The following KCNG2 variants were observed in gnomAD, a reference collection of about 807,000 sequenced individuals.
The protein encoded by KCNG2 is potassium voltage-gated channel modifier subfamily G member 2, also known as voltage-gated potassium channel regulatory subunit KCNG2.
KCNG2 carries 7 observed loss-of-function variants against 12.3 expected under a neutral mutation model. The observed-to-expected ratio is 0.57, with a 90% CI of 0.32 to 1.07. KCNG2 has a LOEUF of 1.07. KCNG2 is among the 50% of genes least tolerant of loss of function. KCNG2 has a pLI of 0.04. For missense variants in KCNG2, 703 were observed against 726.0 expected (o/e 0.97, Z 0.36); for synonymous variants, 414 against 351.4 (o/e 1.18, Z -1.99).
intron 3 of KCNG2, among the ~76,000 whole-genome samples, chr18:79,874,910 G>A (rs1171005571): frequency 6.6e-6 from 1 of 152,112 alleles, no homozygotes; most frequent in Non-Finnish European, 1.5e-5. Flanking sequence ...GGTAGGAGTG[G>A]GGGTTCCTGG....
intron 1 of KCNG2, among the ~76,000 whole-genome samples, chr18:79,819,107 G>T (rs183871270): frequency 2.0e-5 from 3 of 152,204 alleles, no homozygotes; most frequent in Non-Finnish European, 2.9e-5. Context: ...GACTCGTTCC[G>T]CAACAGCAGA....
intron 1 of KCNG2, among the ~76,000 whole-genome samples, chr18:79,843,681 T>A (rs1049095830): frequency 6.6e-6 from 1 of 152,194 alleles, no homozygotes; most frequent in Non-Finnish European, 1.5e-5. Flanking sequence ...CTAAAAGATA[T>A]TTTATGTATG....
intron 1 of KCNG2, among the ~76,000 whole-genome samples, chr18:79,818,806 T>C (rs2087549075): frequency 6.6e-6 from 1 of 152,110 alleles, no homozygotes; most frequent in Non-Finnish European, 1.5e-5. Context: ...TTGGGGCTGC[T>C]TTAGGGGAGA....
At chr18:79,887,699 G>A (rs1479757353) in intron 3 of KCNG2, among the ~76,000 whole-genome samples, 1 of 152,172 alleles carries the variant, frequency 6.6e-6, no homozygotes, top group Non-Finnish European at 1.5e-5. Flanking sequence ...CTGAGCTCTG[G>A]CCACGAGCCT....
At chr18:79,871,538 A>G (rs1173271713) in intron 3 of KCNG2, among the ~76,000 whole-genome samples, 1 of 152,000 alleles carries the variant, frequency 6.6e-6, no homozygotes, top group Non-Finnish European at 1.5e-5. Context: ...TTAGGGCCAC[A>G]ACAGATCCAA....
At chr18:79,878,530 A>C (rs1166237493) in intron 3 of KCNG2, among the ~76,000 whole-genome samples, 1 of 142,968 alleles carries the variant, frequency 7.0e-6, no homozygotes, top group East Asian at 2.2e-4. Flanking sequence ...TGATGCCCCA[A>C]ATCTTCCCCA....
At chr18:79,825,504 T>C (rs1037182272) in intron 1 of KCNG2, among the ~76,000 whole-genome samples, 6 of 152,216 alleles carry the variant, frequency 3.9e-5, no homozygotes, top group African/African-American at 1.4e-4. Context: ...GAAATGCCTC[T>C]TCATAAAAAA....
rs973406574 is a variant in KCNG2, at chr18:79,900,019, C to CT, written c.*206dup. The CT allele has an allele frequency of 2.1e-5, 8 of 384,146 alleles. No homozygotes were observed. The Admixed American group carries it at 3.2e-4, about 15-fold the overall frequency. The allele number at this position is 384,146 out of a possible 1,614,324, so 23.8% of individuals were successfully genotyped here. A position where few individuals can be genotyped will look rare whatever the true frequency, so the allele number is the denominator to read the frequency against. On this transcript the variant is annotated 3_prime_UTR_variant, in exon 4 of 4. Transcript: ENST00000316249. ...GGCAGCGCTGGGCAAAGTCACTGGC[C>CT]TTTGTCCTCCTGCCCCACCCCTTTC...
intron 3 of KCNG2, among the ~76,000 whole-genome samples, chr18:79,888,138 T>C (rs146441182): frequency 0.012 from 1,756 of 151,474 alleles, 41 homozygotes; most frequent in African/African-American, 0.039. Flanking sequence ...GAGGAGGCCA[T>C]GGGAAGCACC....
At chr18:79,833,241 T>TC (rs1477034550) in intron 1 of KCNG2, among the ~76,000 whole-genome samples, 2 of 152,020 alleles carry the variant, frequency 1.3e-5, no homozygotes, top group East Asian at 1.9e-4. Flanking sequence ...GATCAAGCAA[T>TC]CCCCCCATCT....
chr18:79,805,887 A>G (rs2087445940), intron 1 of KCNG2, among the ~76,000 whole-genome samples: 1 of 152,188 alleles, frequency 6.6e-6, no homozygotes, highest in Non-Finnish European at 1.5e-5. Flanking sequence ...ACACGTGCAC[A>G]CACACGCGCC....
chr18:79,824,848 A>G (rs1161149243), intron 1 of KCNG2, among the ~76,000 whole-genome samples: 1 of 152,136 alleles, frequency 6.6e-6, no homozygotes, highest in East Asian at 1.9e-4. Flanking sequence ...CTTAAGAGGC[A>G]TTGAATTCTG....
At position 79,864,126 on chromosome 18, in the gene KCNG2, G is replaced by C; in HGVS notation, c.459G>C (p.Arg153=). ...GCCCGGCGCGCGCCCTGGGACCTCG[G>C]GGGCGGCTGCAGCGCGGCCGGCGGC... is the stretch of plus-strand genomic sequence containing the variant. ...QGSPARALGP[R]GRLQRGRRRL... The change falls in exon 3 of 4, where the codon CGG becomes CGC. Residue 153 remains arginine, a synonymous_variant. Transcript: ENST00000316249. 2 of 1,278,096 alleles carry C rather than the reference G, an allele frequency of 1.6e-6. No individual in the cohort carries two copies. Among genetic ancestry groups the C allele is most frequent in the South Asian group, 1.8e-5 (1 of 54,458 alleles). The allele number at this position is 1,278,096 out of a possible 1,614,324, so 79.2% of individuals were successfully genotyped here. A position where few individuals can be genotyped will look rare whatever the true frequency, so the allele number is the denominator to read the frequency against.
At chr18:79,847,150 T>G (rs1325740332) in intron 1 of KCNG2, among the ~76,000 whole-genome samples, 1 of 152,266 alleles carries the variant, frequency 6.6e-6, no homozygotes, top group Non-Finnish European at 1.5e-5. Flanking sequence ...GCTTCTGAGC[T>G]TCAGTGAAAA....
At chr18:79,874,869 T>C (rs1279125424) in intron 3 of KCNG2, among the ~76,000 whole-genome samples, 1 of 152,174 alleles carries the variant, frequency 6.6e-6, no homozygotes, top group Admixed American at 6.5e-5. Context: ...GACTTCAGGC[T>C]TCCCTCTTCC....
chr18:79,856,552 C>T (rs1310268399), intron 2 of KCNG2, among the ~76,000 whole-genome samples, 100 bp downstream of exon 2: 1 of 152,142 alleles, frequency 6.6e-6, no homozygotes, highest in Non-Finnish European at 1.5e-5. Flanking sequence ...GTTCTTGTGC[C>T]TTCTGCTGAT....
rs144143975 is a variant in KCNG2, at chr18:79,861,112, T to G, written c.-40-2516T>G. On this transcript the variant is annotated intron_variant, in intron 2 of 3. Coordinates refer to ENST00000316249, the MANE Select transcript of KCNG2 (RefSeq NM_012283.2). ...TCCCTTCATCCTATAAATGAGCGTA[T>G]TATAGTAATTTTGTGTATTGTGCCA... is the stretch of plus-strand genomic sequence containing the variant. Among the ~76,000 whole-genome samples the G allele has an allele frequency of 1.6e-3, 238 of 152,330 alleles. 3 individuals are homozygous for G. The highest frequency in any genetic ancestry group is 5.4e-3 in the African/African-American group (225 of 41,570).
At chr18:79,861,271 CTCTTTTT>C (rs1237504938) in intron 2 of KCNG2, among the ~76,000 whole-genome samples, 3 of 119,250 alleles carry the variant, frequency 2.5e-5, no homozygotes, top group Admixed American at 1.1e-4. Flanking sequence ...TTCTCTCTCT[CTCTTTTT>C]TTTTTTTTTT....
chr18:79,824,062 G>C (rs2123009596), intron 1 of KCNG2, among the ~76,000 whole-genome samples: 1 of 152,298 alleles, frequency 6.6e-6, no homozygotes, highest in East Asian at 1.9e-4. Context: ...GAGTGCAGTG[G>C]CACGATCTTG....
Sources: allele counts gnomAD v4.1 joint callset (sites outside exome capture counted in the v4.1 genomes callset), GRCh38; gene constraint gnomAD v4.1.1; transcripts MANE v1.5; gene names NCBI Gene and HGNC (gene_info 2026-07-23, HGNC 2026-07-21).